Variants in TRIB2 observed in about 807,000 individuals in gnomAD.
The protein encoded by TRIB2 is tribbles homolog 2.
A neutral mutation model predicts 26.8 loss-of-function variants in TRIB2; 2 were observed. The observed-to-expected ratio is 0.07, with a 90% CI of 0.03 to 0.24. The LOEUF is 0.24. Ranked by LOEUF, TRIB2 falls within the 10% of genes least tolerant of loss-of-function variation. TRIB2 has a pLI of 1.00. For synonymous variants in TRIB2, 189 were observed against 187.3 expected (o/e 1.01, Z -0.08); for missense variants, 306 against 449.0 (o/e 0.68, Z 2.88).
intron 2 of TRIB2, among the ~76,000 whole-genome samples, chr2:12,726,636 A>G (rs1661345485): frequency 6.6e-6 from 1 of 152,244 alleles, no homozygotes; most frequent in Admixed American, 6.5e-5. Flanking sequence ...CCACAGAGTT[A>G]ATGTCTGTTT....
At chr2:12,724,980 A>C (rs952407308) in intron 2 of TRIB2, among the ~76,000 whole-genome samples, 1 of 152,222 alleles carries the variant, frequency 6.6e-6, no homozygotes, top group African/African-American at 2.4e-5. Context: ...ATAAGGTTAA[A>C]GTTTAATTCT....
chr2:12,733,098 T>C (rs1661491661), intron 2 of TRIB2, among the ~76,000 whole-genome samples: 2 of 152,168 alleles, frequency 1.3e-5, no homozygotes, highest in Non-Finnish European at 2.9e-5. Flanking sequence ...TGGATACTAT[T>C]TTTGATCTTG....
intron 2 of TRIB2, among the ~76,000 whole-genome samples, chr2:12,730,369 T>C (rs937928156): frequency 4.6e-5 from 7 of 152,206 alleles, no homozygotes; most frequent in African/African-American, 1.7e-4. Context: ...AGCTTTCAAA[T>C]ACTAGGTTGT....
At chr2:12,728,309 T>TACCTAGCACACA (rs11269382) in intron 2 of TRIB2, among the ~76,000 whole-genome samples, 3 of 152,090 alleles carry the variant, frequency 2.0e-5, no homozygotes, top group African/African-American at 7.2e-5. Context: ...CGGGAGCTCC[T>TACCTAGCACACA]GCTGATGGAA....
rs2103262094 is a variant in TRIB2, at chr2:12,742,262, C to A, written c.*1468C>A. The A allele has an allele frequency of 6.5e-6, 1 of 152,734 alleles. No homozygotes were observed. The highest frequency in any genetic ancestry group is 2.1e-4 in the South Asian group (1 of 4,826). The allele number at this position is 152,734 out of a possible 1,614,324, so 9.5% of individuals were successfully genotyped here. A position where few individuals can be genotyped will look rare whatever the true frequency, so the allele number is the denominator to read the frequency against. On this transcript the variant is annotated 3_prime_UTR_variant, in exon 3 of 3. Transcript: ENST00000155926. ...CAGTACCTCACTTGTTCGGATTTGACTGCCTGTATATGTTTTGTGAAATGG... is the reference window on the plus strand; with the variant it reads ...CAGTACCTCACTTGTTCGGATTTGAATGCCTGTATATGTTTTGTGAAATGG...
Position 12,718,064 on chromosome 2 carries a change from T to C in TRIB2, c.-244T>C. On this transcript the variant is annotated 5_prime_UTR_variant, in exon 1 of 3. Transcript: ENST00000155926. This position sits in a 1 kb window ranked among gnomAD's most constrained non-coding sequence, Gnocchi z 4.0. Reference sequence around the variant, plus strand: ...CTGCACATCGCCGACTGCTTTGGGGTAACAAAAAGACCCGAGTTGCCTGCC... The same window carrying C: ...CTGCACATCGCCGACTGCTTTGGGGCAACAAAAAGACCCGAGTTGCCTGCC... 1 of 566,622 alleles carries C rather than the reference T, an allele frequency of 1.8e-6. No individual in the cohort carries two copies. Among genetic ancestry groups the C allele is most frequent in the Non-Finnish European group, 3.1e-6 (1 of 320,946 alleles). The allele number at this position is 566,622 out of a possible 1,614,324, so 35.1% of individuals were successfully genotyped here.
At chr2:12,729,409 G>A (rs1341401368) in intron 2 of TRIB2, among the ~76,000 whole-genome samples, 1 of 152,188 alleles carries the variant, frequency 6.6e-6, no homozygotes, top group African/African-American at 2.4e-5. Flanking sequence ...AGAGGCAGGG[G>A]TAAGTAGAGT....
rs1303870385 is a variant in TRIB2, at chr2:12,741,942, A to G, written c.*1148A>G. 2.0e-5 allele frequency: 3 copies of G among 152,686 alleles called. No individual in the cohort carries two copies. Among genetic ancestry groups the G allele is most frequent in the Non-Finnish European group, 4.4e-5 (3 of 68,052 alleles). 9.5% of individuals were successfully genotyped at this position (152,686 alleles called of 1,614,324 possible). A position where few individuals can be genotyped will look rare whatever the true frequency, so the allele number is the denominator to read the frequency against. On this transcript the variant is annotated 3_prime_UTR_variant, in exon 3 of 3. Coordinates refer to ENST00000155926, the MANE Select transcript of TRIB2 (RefSeq NM_021643.4). ...ATGATATAAATAAAAACAGCTCTCTATCCCAATACGCACCTTTGTATTTTC... is the reference window on the plus strand; with the variant it reads ...ATGATATAAATAAAAACAGCTCTCTGTCCCAATACGCACCTTTGTATTTTC...
chr2:12,729,340 C>T (rs959924983), intron 2 of TRIB2, among the ~76,000 whole-genome samples: 7 of 152,120 alleles, frequency 4.6e-5, no homozygotes, highest in South Asian at 4.1e-4. Context: ...TATTTGTTGA[C>T]GGAATGTCTC....
Position 12,718,703 on chromosome 2 carries a change from A to G in TRIB2, c.270+126A>G. 1 of 1,273,254 alleles carries G rather than the reference A, an allele frequency of 7.9e-7. No individual in the cohort carries two copies. Among genetic ancestry groups the G allele is most frequent in the Non-Finnish European group, 1.1e-6 (1 of 940,262 alleles). The allele number at this position is 1,273,254 out of a possible 1,614,324, so 78.9% of individuals were successfully genotyped here. A position where few individuals can be genotyped will look rare whatever the true frequency, so the allele number is the denominator to read the frequency against. ...TACCGTGGCCTTATTAAATGGGTTT[A>G]TTTATTTATTTGCTCAGGTTCGGTA... On this transcript the variant is annotated intron_variant, in intron 1 of 2. Coordinates refer to ENST00000155926, the MANE Select transcript of TRIB2 (RefSeq NM_021643.4). This position sits in a 1 kb window ranked among gnomAD's most constrained non-coding sequence, Gnocchi z 4.0.
chr2:12,727,292 G>A (rs915232478), intron 2 of TRIB2, among the ~76,000 whole-genome samples: 3 of 152,116 alleles, frequency 2.0e-5, no homozygotes, highest in Non-Finnish European at 4.4e-5. Flanking sequence ...TGAAGGGACA[G>A]CTGTTCCTAG....
intron 2 of TRIB2, 42 bp downstream of exon 2, chr2:12,723,594 G>T (rs1365182176): frequency 4.4e-6 from 7 of 1,575,718 alleles, no homozygotes; most frequent in Non-Finnish European, 5.2e-6. Context: ...GTGATGGACT[G>T]CTCCTAACAA....
chr2:12,727,703 C>G (rs1276808332), intron 2 of TRIB2, among the ~76,000 whole-genome samples: 1 of 152,134 alleles, frequency 6.6e-6, no homozygotes, highest in Non-Finnish European at 1.5e-5. Flanking sequence ...TTTGTTTATA[C>G]TGCTGAAAAG....
chr2:12,719,511 T>G (rs2103248497), intron 1 of TRIB2, among the ~76,000 whole-genome samples: 1 of 151,638 alleles, frequency 6.6e-6, no homozygotes, highest in East Asian at 1.9e-4. Context: ...TAATAGAGCA[T>G]ACTACTACCC....
chr2:12,735,197 T>A (rs542458899), intron 2 of TRIB2, among the ~76,000 whole-genome samples: 1 of 152,316 alleles, frequency 6.6e-6, no homozygotes, highest in South Asian at 2.1e-4. Flanking sequence ...TGTAAACAAG[T>A]TCACAGTGTT....
chr2:12,740,635 G>A lies in TRIB2; in HGVS notation c.873G>A (p.Arg291=), dbSNP rs200355355. Residue 291 remains arginine (R), a synonymous_variant, in exon 3 of 3, where the codon CGG becomes CGA. Transcript: ENST00000155926. The surrounding 1 kb of genome is among the most constrained non-coding windows in gnomAD (Gnocchi z 5.8). ...AKCLIRSILR[R]EPSERLTSQE... The stretch of plus-strand genomic sequence containing the variant: ...GCCTCATCCGAAGCATTCTGCGTCG[G>A]GAGCCCTCAGAGCGGCTGACCTCGC... The A allele has an allele frequency of 5.1e-5, 82 of 1,614,184 alleles. No homozygotes were observed. The East Asian group carries it at 1.8e-3, about 35-fold the overall frequency.
At position 12,717,089 on chromosome 2, in the gene TRIB2, GT is replaced by G; in HGVS notation, c.-1218del. ...GGATTGGCCTCGGGCACCGTCGGCC[GT>G]CCCCTTTAATTTTTAAATACACGGT... On this transcript the variant is annotated 5_prime_UTR_variant, in exon 1 of 3. Coordinates refer to ENST00000155926, the MANE Select transcript of TRIB2 (RefSeq NM_021643.4). The surrounding 1 kb of genome is among the most constrained non-coding windows in gnomAD (Gnocchi z 4.8). The G allele has an allele frequency of 3.5e-6, 1 of 288,862 alleles. No individual in the cohort carries two copies. Among genetic ancestry groups the G allele is most frequent in the Non-Finnish European group, 6.3e-6 (1 of 157,510 alleles). 17.9% of individuals were successfully genotyped at this position (288,862 alleles called of 1,614,324 possible).
chr2:12,737,905 A>G (rs1661618475), intron 2 of TRIB2, among the ~76,000 whole-genome samples: 2 of 152,090 alleles, frequency 1.3e-5, no homozygotes, highest in South Asian at 2.1e-4. Context: ...GGTCTGAAAA[A>G]CAGAGAAGTT....
chr2:12,720,028 A>G (rs557315805), intron 1 of TRIB2, among the ~76,000 whole-genome samples: 25 of 152,326 alleles, frequency 1.6e-4, no homozygotes, highest in Admixed American at 5.2e-4. Flanking sequence ...AATATGCACA[A>G]TCACCCAGCA....
Sources: allele counts gnomAD v4.1 joint callset (sites outside exome capture counted in the v4.1 genomes callset), GRCh38; gene constraint gnomAD v4.1.1; non-coding constraint Gnocchi (gnomAD v3.1); transcripts MANE v1.5; gene names NCBI Gene and HGNC (gene_info 2026-07-23, HGNC 2026-07-21).